TRPM7: variants seen among roughly 807,000 people sequenced by gnomAD.
TRPM7 encodes LTRPC ion channel family member 7.
Under a neutral mutation model 229.7 loss-of-function variants are expected in TRPM7, and 134 were observed. That is an observed-to-expected ratio of 0.58 (90% confidence interval 0.51 to 0.67). TRPM7 has a LOEUF of 0.67. Among genes scored for constraint, TRPM7 ranks in the 30% least tolerant of loss-of-function variants. The pLI, the probability that TRPM7 is intolerant of heterozygous loss-of-function variation, is 0.00. For synonymous variants in TRPM7, 699 were observed against 715.2 expected, an observed-to-expected ratio of 0.98 and a Z score of 0.36; for missense variants, 1,901 against 2,210.0, an observed-to-expected ratio of 0.86 and a Z score of 2.80.
intron 21 of TRPM7, among the ~76,000 whole-genome samples, chr15:50,600,946 T>C (rs1487922885): frequency 2.0e-5 from 3 of 152,200 alleles, no homozygotes; most frequent in Non-Finnish European, 2.9e-5. Context: ...GGTGTTCTTA[T>C]TTGCAAAATG....
Position 50,594,526 on chromosome 15 carries a change from T to A in TRPM7, c.3378A>T (p.Pro1126=). 8 of 1,613,080 alleles carry A rather than the reference T, an allele frequency of 5.0e-6. No homozygotes were observed. Among genetic ancestry groups the A allele is most frequent in the Non-Finnish European group, 5.9e-6 (7 of 1,179,364 alleles). ...GAATGATAAGTGGAGGAGGCAGAAC[T>A]GGTTTCTCATGATAAGCCATAATAA... ...YHFIMAYHEK[P]VLPPPLIILS... is the part of the protein sequence containing the mutation. Residue 1126 remains proline (P), a synonymous_variant, in exon 24 of 39, where the codon CCA becomes CCT. Transcript: ENST00000646667.
At chr15:50,649,098 T>A (rs180745243) in intron 3 of TRPM7, among the ~76,000 whole-genome samples, 16 of 152,190 alleles carry the variant, frequency 1.1e-4, no homozygotes, top group African/African-American at 3.6e-4. Flanking sequence ...GAATTCATCA[T>A]CTAAATTTAA....
chr15:50,589,735 A>G, intron 26 of TRPM7, 79 bp from the exon 27 acceptor site: 1 of 916,644 alleles, frequency 1.1e-6, no homozygotes, highest in African/African-American at 1.7e-5. Context: ...TAAAGTTTAT[A>G]AAAACAATAG....
chr15:50,682,173 CA>C (rs34590459), intron 1 of TRPM7, among the ~76,000 whole-genome samples: 14,626 of 63,858 alleles, frequency 0.23, 1,553 homozygotes, highest in Middle Eastern at 0.33. Flanking sequence ...AACTCAGTCT[CA>C]AAAAAAAAAA....
At position 50,625,664 on chromosome 15, in the gene TRPM7, G is replaced by A. The variant is rs181502661; in HGVS notation, c.1306-1364C>T. 4.7e-3 allele frequency among the ~76,000 whole-genome samples: 720 copies of A among 152,178 alleles called. 6 individuals are homozygous for A. The highest frequency in any genetic ancestry group is 3.6e-3 in the Non-Finnish European group (242 of 68,014). Reference sequence around the variant, plus strand: ...GATCTTCCTAACTCAGCCTCCCACAGTACTGGAATTAGAGGCATGAGCCAC... The same window carrying A: ...GATCTTCCTAACTCAGCCTCCCACAATACTGGAATTAGAGGCATGAGCCAC... On this transcript the variant is annotated intron_variant, in intron 11 of 38. Transcript: ENST00000646667.
rs1255905899 is a variant in TRPM7, at chr15:50,583,112, C to A, written c.4534G>T (p.Asp1512Tyr). The A allele has an allele frequency of 3.1e-6, 5 of 1,607,048 alleles. No homozygotes were observed. The highest frequency in any genetic ancestry group is 4.5e-5 in the East Asian group (2 of 44,588). The change falls in exon 29 of 39, where the codon GAT (aspartate) becomes TAT (tyrosine). Residue 1512 changes from aspartate (D) to tyrosine (Y), a missense_variant. Around this residue, in one of 8 missense-constraint regions of TRPM7, gnomAD observed 533 missense variants for 497.1 expected, o/e 1.07. Coordinates refer to ENST00000646667, the MANE Select transcript of TRPM7 (RefSeq NM_017672.6). ...ACCGGTATTAAAGCTGCTTTGGAAT[C>A]TACTTCATGAGTGTCTTCGGTAGAT... ...RPSTEDTHEV[D>Y]SKAALIPDWL...
intron 8 of TRPM7, 122 bp from the exon 9 acceptor site, chr15:50,633,114 C>T (rs2060787092): frequency 1.3e-6 from 1 of 797,166 alleles, no homozygotes; most frequent in Non-Finnish European, 1.8e-6. Context: ...CATACTTCAC[C>T]TTGGGTGGGA....
At position 50,631,439 on chromosome 15, in the gene TRPM7, T is replaced by C. The variant is rs2060728350; in HGVS notation, c.1182A>G (p.Ala394=). 1 of 1,609,984 alleles carries C rather than the reference T, an allele frequency of 6.2e-7. No individual in the cohort carries two copies. The highest frequency in any genetic ancestry group is 8.5e-7 in the Non-Finnish European group (1 of 1,177,286). The stretch of plus-strand genomic sequence containing the variant: ...TACCTTTTAGCAGTGCAGTAAGTAT[T>C]GCTACATCTATATCTTGATGTTCAT... ...GSDEHQDIDV[A]ILTALLKGTN... The change falls in exon 10 of 39, where the codon GCA becomes GCG. Residue 394 remains alanine (A), a synonymous_variant. Transcript: ENST00000646667.
In TRPM7 at chr15:50,561,759, A is replaced by G; in HGVS notation, c.5517T>C (p.Asp1839=). ...YTPDKIIFPQ[D]EPSDLNLQPG... ...GCTGAAGATTCAAATCTGAAGGCTCATCCTGAGGAAATATAATTTTATCAG... is the reference window on the plus strand; with the variant it reads ...GCTGAAGATTCAAATCTGAAGGCTCGTCCTGAGGAAATATAATTTTATCAG... Residue 1839 remains aspartate (D), a synonymous_variant, in exon 39 of 39, where the codon GAT becomes GAC. Transcript: ENST00000646667. 3.1e-6 allele frequency: 5 copies of G among 1,613,260 alleles called. No homozygotes were observed. The highest frequency in any genetic ancestry group is 4.2e-6 in the Non-Finnish European group (5 of 1,179,706).
At chr15:50,596,829 C>A (rs1317262819) in intron 22 of TRPM7, among the ~76,000 whole-genome samples, 3 of 152,134 alleles carry the variant, frequency 2.0e-5, no homozygotes, top group African/African-American at 7.2e-5. Context: ...CGGCTCACTG[C>A]AACCTCCGGC....
intron 12 of TRPM7, among the ~76,000 whole-genome samples, chr15:50,620,477 T>C (rs1296303333): frequency 6.6e-5 from 10 of 152,178 alleles, no homozygotes; most frequent in Admixed American, 6.5e-4. Flanking sequence ...TCTCTTTATA[T>C]ATACTGTTAG....
At chr15:50,676,857 C>T (rs979141767) in intron 1 of TRPM7, among the ~76,000 whole-genome samples, 4 of 152,072 alleles carry the variant, frequency 2.6e-5, no homozygotes, top group African/African-American at 9.7e-5. Flanking sequence ...AAAAGGAATC[C>T]TAAATACTTA....
chr15:50,586,325 C>T (rs2059341777), intron 28 of TRPM7, 67 bp downstream of exon 28: 12 of 1,107,458 alleles, frequency 1.1e-5, no homozygotes, highest in Non-Finnish European at 1.5e-5. Context: ...GTTTGACAAA[C>T]ATAAAATACA....
In TRPM7 at chr15:50,628,891, T is replaced by C. The variant is rs191873409; in HGVS notation, c.1205-642A>G. ...TGCACATACAAGCTCATGCATATAC[T>C]TTCCATTTTTTATTCAAAAATGGGT... is the stretch of plus-strand genomic sequence containing the variant. On this transcript the variant is annotated intron_variant, in intron 10 of 38. Transcript: ENST00000646667. 3.3e-5 allele frequency among the ~76,000 whole-genome samples: 5 copies of C among 152,338 alleles called. No individual in the cohort carries two copies. In the East Asian group the frequency reaches 9.6e-4, roughly 29 times the overall value.
At chr15:50,663,094 T>G in intron 1 of TRPM7, 48 bp from the exon 2 acceptor site, 1 of 1,406,028 alleles carries the variant, frequency 7.1e-7, no homozygotes, top group Non-Finnish European at 9.9e-7. Context: ...ACCCACTAAA[T>G]AAGAAGGAAA....
At chr15:50,618,180 C>T (rs2060281429) in intron 13 of TRPM7, among the ~76,000 whole-genome samples, 1 of 151,892 alleles carries the variant, frequency 6.6e-6, no homozygotes. Flanking sequence ...ACAAACAATC[C>T]TGATAGAAGA....
chr15:50,667,009 C>T (rs556968181), intron 1 of TRPM7, among the ~76,000 whole-genome samples: 1 of 152,112 alleles, frequency 6.6e-6, no homozygotes, highest in Non-Finnish European at 1.5e-5. Context: ...GATCCAGGAA[C>T]CTGTTCCTGG....
intron 9 of TRPM7, 37 bp downstream of exon 9, chr15:50,632,832 C>A: frequency 6.7e-7 from 1 of 1,492,280 alleles, no homozygotes. Flanking sequence ...GAAAAATGGC[C>A]TATCAGCTTT....
At chr15:50,677,555 A>T (rs558238242) in intron 1 of TRPM7, among the ~76,000 whole-genome samples, 1 of 151,850 alleles carries the variant, frequency 6.6e-6, no homozygotes, top group East Asian at 2.0e-4. Context: ...CCTGACCAAC[A>T]TGGTGAAACC....
Sources: gnomAD v4.1 joint callset for allele counts (sites outside exome capture counted in the v4.1 genomes callset) on GRCh38, gnomAD v4.1.1 for gene constraint, gnomAD v4.1.1 regional missense constraint, MANE v1.5 for transcripts, NCBI Gene and HGNC (gene_info 2026-07-23, HGNC 2026-07-21) for gene names.